PGCKA1: variants seen among roughly 807,000 people sequenced by gnomAD.
PGCKA1 encodes PDCD10 and GCKIII kinases-associated protein 1.
At chr4:37,517,731 G>A in the PGCKA1 span, among the ~76,000 whole-genome samples, 9,324 of 152,146 alleles carry the variant, frequency 0.061, 980 homozygotes, top group African/African-American at 0.21. Flanking sequence ...CCATCCCCTC[G>A]AGTATTTATC....
the PGCKA1 span, among the ~76,000 whole-genome samples, chr4:37,561,950 G>T: frequency 2.0e-5 from 3 of 152,096 alleles, no homozygotes; most frequent in Non-Finnish European, 4.4e-5. Flanking sequence ...TCTCTGTAAG[G>T]CACATCACAG....
At chr4:37,460,272 ATT>A in the PGCKA1 span, among the ~76,000 whole-genome samples, 1 of 152,130 alleles carries the variant, frequency 6.6e-6, no homozygotes, top group Non-Finnish European at 1.5e-5. Flanking sequence ...CGTCTTTGCT[ATT>A]GTGAATAGTG....
the PGCKA1 span, among the ~76,000 whole-genome samples, chr4:37,492,905 C>T: frequency 9.2e-5 from 14 of 152,136 alleles, no homozygotes; most frequent in Non-Finnish European, 2.1e-4. The surrounding 1 kb of genome is among the most constrained non-coding windows in gnomAD (Gnocchi z 4.7). Context: ...TAAATTGGTG[C>T]CACTGCCAGC....
the PGCKA1 span, chr4:37,584,233 A>G: frequency 6.6e-6 from 1 of 152,270 alleles, no homozygotes; most frequent in East Asian, 1.9e-4. Flanking sequence ...GTCAGCAGTC[A>G]CACAACCTTG....
At chr4:37,476,733 G>T in the PGCKA1 span, among the ~76,000 whole-genome samples, 5 of 152,106 alleles carry the variant, frequency 3.3e-5, no homozygotes, top group Non-Finnish European at 7.4e-5. Flanking sequence ...AAGAAATTTT[G>T]TATGTTAACC....
chr4:37,523,146 C>G, the PGCKA1 span, among the ~76,000 whole-genome samples: 1 of 152,206 alleles, frequency 6.6e-6, no homozygotes, highest in African/African-American at 2.4e-5. Flanking sequence ...TATGAGAACT[C>G]AAGTTCTGAC....
At chr4:37,463,978 G>A in the PGCKA1 span, among the ~76,000 whole-genome samples, 2 of 152,112 alleles carry the variant, frequency 1.3e-5, no homozygotes, top group Admixed American at 1.3e-4. Flanking sequence ...CTAATGGCAG[G>A]TATGACTAGG....
the PGCKA1 span, among the ~76,000 whole-genome samples, chr4:37,479,710 A>G: frequency 6.6e-6 from 1 of 152,252 alleles, no homozygotes; most frequent in African/African-American, 2.4e-5. Flanking sequence ...TTTGGAGCCC[A>G]AAGAGGAAGA....
At chr4:37,468,748 C>CCA in the PGCKA1 span, among the ~76,000 whole-genome samples, 10 of 151,374 alleles carry the variant, frequency 6.6e-5, no homozygotes, top group Non-Finnish European at 1.2e-4. Flanking sequence ...GTATACCCCC[C>CCA]CACACACATA....
At chr4:37,488,914 G>A in the PGCKA1 span, among the ~76,000 whole-genome samples, 2 of 152,050 alleles carry the variant, frequency 1.3e-5, no homozygotes, top group Non-Finnish European at 1.5e-5. Context: ...ACTTATAAGT[G>A]GGTTTTTTTC....
the PGCKA1 span, among the ~76,000 whole-genome samples, chr4:37,587,092 C>T: frequency 6.6e-6 from 1 of 152,164 alleles, no homozygotes; most frequent in Non-Finnish European, 1.5e-5. Flanking sequence ...CCTCTTCCAG[C>T]TTGGGGGGCT....
chr4:37,508,683 C>CT, the PGCKA1 span, among the ~76,000 whole-genome samples: 1 of 84,850 alleles, frequency 1.2e-5, no homozygotes, highest in African/African-American at 5.1e-5. Flanking sequence ...TTTGCTGAAT[C>CT]TTTTTTTTAG....
chr4:37,543,782 C>T, the PGCKA1 span, among the ~76,000 whole-genome samples: 10 of 151,528 alleles, frequency 6.6e-5, no homozygotes, highest in South Asian at 6.3e-4. Flanking sequence ...TGCAGTGAGC[C>T]GAGATAGCGC....
chr4:37,583,215 C>T, the PGCKA1 span, among the ~76,000 whole-genome samples: 1 of 152,204 alleles, frequency 6.6e-6, no homozygotes, highest in East Asian at 1.9e-4. Flanking sequence ...AAAGCTATCA[C>T]TATTTAAAGG....
the PGCKA1 span, among the ~76,000 whole-genome samples, chr4:37,524,463 C>T: frequency 6.6e-6 from 1 of 152,230 alleles, no homozygotes; most frequent in Non-Finnish European, 1.5e-5. Flanking sequence ...CATGCATCTC[C>T]ACAGCATGGC....
the PGCKA1 span, among the ~76,000 whole-genome samples, chr4:37,458,664 G>A: frequency 6.6e-6 from 1 of 152,126 alleles, no homozygotes; most frequent in African/African-American, 2.4e-5. Flanking sequence ...TGGAAGCAAC[G>A]CCCCTTGAGG....
chr4:37,582,781 T>G, the PGCKA1 span, among the ~76,000 whole-genome samples: 29 of 152,262 alleles, frequency 1.9e-4, no homozygotes, highest in Admixed American at 7.8e-4. Flanking sequence ...TATGCCGGGT[T>G]TCTCCAACGT....
the PGCKA1 span, chr4:37,591,054 C>A: frequency 3.2e-5 from 46 of 1,438,604 alleles, no homozygotes; most frequent in Non-Finnish European, 3.9e-5. Flanking sequence ...CATGCAGATG[C>A]ATTTGCTCCC....
chr4:37,488,431 A>T, the PGCKA1 span, among the ~76,000 whole-genome samples: 1 of 152,032 alleles, frequency 6.6e-6, no homozygotes, highest in Non-Finnish European at 1.5e-5. Flanking sequence ...AAAAAACCCA[A>T]ACGGCCTGCA....
Sources: gnomAD v4.1 joint callset for allele counts (sites outside exome capture counted in the v4.1 genomes callset) on GRCh38, gnomAD v4.1.1 for gene constraint, Gnocchi (gnomAD v3.1) non-coding constraint, MANE v1.5 for transcripts, NCBI Gene and HGNC (gene_info 2026-07-23, HGNC 2026-07-21) for gene names.